Variants in ANKHD1 observed in about 807,000 individuals in gnomAD.
The protein encoded by ANKHD1 is ankyrin repeat and KH domain containing 1.
In ANKHD1, 31 loss-of-function variants were observed where a neutral mutation model predicts 230.5. The ratio of observed to expected loss-of-function variants is 0.13; its 90% CI spans 0.10 to 0.18. The LOEUF is 0.18. ANKHD1 is among the 10% of genes least tolerant of loss of function. The pLI, the probability that ANKHD1 is intolerant of heterozygous loss-of-function variation, is 1.00. For missense variants in ANKHD1, 2,256 were observed against 3,071.3 expected (o/e 0.73, Z 6.27); for synonymous variants, 1,074 against 1,117.6 (o/e 0.96, Z 0.78).
intron 1 of ANKHD1, among the ~76,000 whole-genome samples, chr5:140,431,834 C>T (rs1209466731): frequency 6.6e-6 from 1 of 152,200 alleles, no homozygotes; most frequent in Non-Finnish European, 1.5e-5. Context: ...GCAAGGGACA[C>T]ATCACCATTT....
At chr5:140,477,809 A>C (rs982807812) in intron 10 of ANKHD1, among the ~76,000 whole-genome samples, 1 of 152,030 alleles carries the variant, frequency 6.6e-6, no homozygotes, top group Non-Finnish European at 1.5e-5. Context: ...ATGGGGTTTC[A>C]CCATGTTGGG....
chr5:140,522,154 C>G (rs1753377874), intron 24 of ANKHD1, among the ~76,000 whole-genome samples: 1 of 152,194 alleles, frequency 6.6e-6, no homozygotes, highest in Non-Finnish European at 1.5e-5. Context: ...AACTGCTAAT[C>G]TACTTTCTGT....
At chr5:140,486,407 C>G (rs963340542) in intron 13 of ANKHD1, among the ~76,000 whole-genome samples, 1 of 152,054 alleles carries the variant, frequency 6.6e-6, no homozygotes, top group African/African-American at 2.4e-5. Context: ...TATTAATTAT[C>G]CTAGAGATAG....
chr5:140,405,514 A>C (rs567861006), intron 1 of ANKHD1, among the ~76,000 whole-genome samples: 1 of 152,192 alleles, frequency 6.6e-6, no homozygotes, highest in East Asian at 1.9e-4. Flanking sequence ...TTTTATTATT[A>C]TTGCCTTTGA....
rs142523716 is a variant in ANKHD1, at chr5:140,486,300, G to A, written c.2142+568G>A. On this transcript the variant is annotated intron_variant, in intron 13 of 33. Transcript: ENST00000360839. ...GGGTGGTCTCAAACTCCTGAGCTCA[G>A]GCGATCTACCTGCCTCGGCCTCCCA... 7.2e-4 allele frequency among the ~76,000 whole-genome samples: 110 copies of A among 152,186 alleles called. 3 individuals carry two copies. In the East Asian group the frequency reaches 0.019, roughly 26 times the overall value.
At chr5:140,497,351 A>G in intron 15 of ANKHD1, 73 bp downstream of exon 15, 1 of 1,502,404 alleles carries the variant, frequency 6.7e-7, no homozygotes, top group Non-Finnish European at 8.8e-7. Context: ...ACCCCTCCAA[A>G]AACGTAGACT....
At chr5:140,538,847 T>C (rs896948639) in intron 32 of ANKHD1, 72 bp from the exon 33 acceptor site, 2 of 1,341,540 alleles carry the variant, frequency 1.5e-6, no homozygotes, top group Non-Finnish European at 1.9e-6. Flanking sequence ...TCTAAGCTGG[T>C]ATTATGGGAT....
chr5:140,464,226 C>T (rs1775926441), intron 9 of ANKHD1, among the ~76,000 whole-genome samples: 4 of 146,984 alleles, frequency 2.7e-5, no homozygotes, highest in South Asian at 2.1e-4. Flanking sequence ...GTGAGACTAT[C>T]TCTCAAAAAA....
At chr5:140,501,162 G>T (rs1429358894) in intron 15 of ANKHD1, among the ~76,000 whole-genome samples, 2 of 144,406 alleles carry the variant, frequency 1.4e-5, no homozygotes, top group Non-Finnish European at 3.0e-5. Context: ...TGCAACCTCC[G>T]CCTCCCAGGT....
chr5:140,419,133 TTCTC>T (rs1323910107), intron 1 of ANKHD1, among the ~76,000 whole-genome samples: 1 of 151,708 alleles, frequency 6.6e-6, no homozygotes. Context: ...TTTCTTTCTT[TTCTC>T]TCTTTTTTTT....
chr5:140,419,810 C>T (rs953517536), intron 1 of ANKHD1, among the ~76,000 whole-genome samples: 1 of 136,384 alleles, frequency 7.3e-6, no homozygotes, highest in South Asian at 2.4e-4. Flanking sequence ...TTCTTTCTTT[C>T]TTTCTTTCTT....
In ANKHD1 at chr5:140,529,656, T is replaced by C. The variant is rs1753730078; in HGVS notation, c.6710T>C (p.Val2237Ala). 1.2e-5 allele frequency: 19 copies of C among 1,614,136 alleles called. No homozygotes were observed. Among genetic ancestry groups the C allele is most frequent in the Non-Finnish European group, 1.6e-5 (19 of 1,180,020 alleles). Residue 2237 changes from valine to alanine, a missense_variant, in exon 29 of 34, where the codon GTT becomes GCT. Around this residue, in one of 13 missense-constraint regions of ANKHD1, gnomAD observed 778 missense variants for 966.5 expected, o/e 0.80. Transcript: ENST00000360839. ...GWGDGPLSSRVATDASFTVQS... is the reference protein window; with the variant it reads ...GWGDGPLSSRAATDASFTVQS... ...GGAGATGGTCCACTGTCCTCACGAG[T>C]TGCTACAGATGCCTCTTTCACTGTT... is the stretch of plus-strand genomic sequence containing the variant.
At chr5:140,452,173 AG>A (rs1218769393) in intron 7 of ANKHD1, among the ~76,000 whole-genome samples, 1 of 152,082 alleles carries the variant, frequency 6.6e-6, no homozygotes, top group Non-Finnish European at 1.5e-5. Flanking sequence ...AGGCTGGGGG[AG>A]GGGCACCCAC....
intron 24 of ANKHD1, among the ~76,000 whole-genome samples, chr5:140,517,992 C>G (rs1175004512): frequency 1.3e-5 from 2 of 151,234 alleles, no homozygotes; most frequent in Non-Finnish European, 3.0e-5. Flanking sequence ...AAAAAATTAA[C>G]GAATCCAGGA....
At chr5:140,403,852 C>T (rs7356554) in intron 1 of ANKHD1, among the ~76,000 whole-genome samples, 101,256 of 152,016 alleles carry the variant, frequency 0.67, 34,161 homozygotes, top group East Asian at 0.84. Flanking sequence ...CTAACAATCC[C>T]GGCTCTTGGA....
chr5:140,469,764 C>A (rs1185981979), intron 10 of ANKHD1, among the ~76,000 whole-genome samples: 4 of 151,736 alleles, frequency 2.6e-5, no homozygotes, highest in African/African-American at 4.8e-5. Flanking sequence ...CCTGGTTATA[C>A]ATTTACATTC....
At chr5:140,476,738 G>A (rs1017548152) in intron 10 of ANKHD1, among the ~76,000 whole-genome samples, 2 of 152,154 alleles carry the variant, frequency 1.3e-5, no homozygotes, top group African/African-American at 2.4e-5. Flanking sequence ...GGAGGAAGGC[G>A]TGGGATACAA....
intron 1 of ANKHD1, among the ~76,000 whole-genome samples, chr5:140,415,054 A>G (rs1334793631): frequency 6.6e-6 from 1 of 151,984 alleles, no homozygotes; most frequent in Non-Finnish European, 1.5e-5. Context: ...ATTTTGTCGT[A>G]TGCTTATGAT....
Position 140,529,050 on chromosome 5 carries a change from A to G in ANKHD1, c.6104A>G (p.Asp2035Gly), listed in dbSNP as rs1274777287. 2.5e-6 allele frequency: 4 copies of G among 1,613,908 alleles called. No individual in the cohort carries two copies. In the South Asian group the frequency reaches 4.4e-5, roughly 18 times the overall value. Residue 2035 changes from aspartate to glycine, a missense_variant, in exon 29 of 34, where the codon GAC becomes GGC. Around this residue, in one of 13 missense-constraint regions of ANKHD1, gnomAD observed 778 missense variants for 966.5 expected, o/e 0.80. Coordinates refer to ENST00000360839, the MANE Select transcript of ANKHD1 (RefSeq NM_017747.3). ...ACCAAAGAGAAAGTGTCCACACAGGACCAGCCCATGGCAAACCTATGTACC... is the reference window on the plus strand; with the variant it reads ...ACCAAAGAGAAAGTGTCCACACAGGGCCAGCCCATGGCAAACCTATGTACC... ...PPTKEKVSTQ[D>G]QPMANLCTPS... is the part of the protein sequence containing the mutation.
Sources: gnomAD v4.1 joint callset for allele counts (sites outside exome capture counted in the v4.1 genomes callset) on GRCh38, gnomAD v4.1.1 for gene constraint, gnomAD v4.1.1 regional missense constraint, MANE v1.5 for transcripts, NCBI Gene and HGNC (gene_info 2026-07-23, HGNC 2026-07-21) for gene names.